CARS2: variants seen among roughly 807,000 people sequenced by gnomAD.
CARS2 encodes the protein cysteinyl-tRNA synthetase 2, mitochondrial, also known as probable cysteine--tRNA ligase, mitochondrial.
In CARS2, 52 loss-of-function variants were observed where a neutral mutation model predicts 68.8. The observed-to-expected ratio is 0.76, with a 90% confidence interval of 0.61 to 0.95. The LOEUF is 0.95. Ranked by LOEUF, CARS2 falls within the 40% of genes least tolerant of loss-of-function variation. The pLI is 0.00. For synonymous variants in CARS2, 314 were observed against 303.6 expected, an observed-to-expected ratio of 1.03 and a Z score of -0.36; for missense variants, 780 against 754.2, an observed-to-expected ratio of 1.03 and a Z score of -0.40.
In CARS2 at chr13:110,694,706, G is replaced by A. The variant is rs1313733741; in HGVS notation, c.394-6688C>T. Among the ~76,000 whole-genome samples the A allele has an allele frequency of 2.0e-5, 3 of 152,112 alleles. No homozygotes were observed. In the East Asian group the frequency reaches 5.8e-4, roughly 29 times the overall value. On this transcript the variant is annotated intron_variant, in intron 3 of 14. Transcript: ENST00000257347. ...CTCTTTTAATTCTTACCCCAGATTT[G>A]TTTAAAACCTGTGCTTTCCATCTCT...
At chr13:110,651,149 G>C in intron 9 of CARS2, 49 bp from the exon 10 acceptor site, 3 of 1,274,900 alleles carry the variant, frequency 2.4e-6, no homozygotes, top group Non-Finnish European at 3.4e-6. Context: ...TTTACGCTTC[G>C]CACTGTTCAG....
intron 9 of CARS2, among the ~76,000 whole-genome samples, chr13:110,658,555 A>T (rs944614808): frequency 2.6e-5 from 4 of 152,222 alleles, no homozygotes; most frequent in Admixed American, 2.6e-4. Flanking sequence ...AAGACACAAC[A>T]TACAAATGCA....
intron 8 of CARS2, among the ~76,000 whole-genome samples, 183 bp downstream of exon 8, chr13:110,667,157 C>T (rs982842872): frequency 1.3e-5 from 2 of 152,214 alleles, no homozygotes; most frequent in Non-Finnish European, 2.9e-5. Context: ...AAGGTATAAT[C>T]ATTGCTGCAA....
intron 2 of CARS2, among the ~76,000 whole-genome samples, chr13:110,702,431 C>G (rs2063814479): frequency 6.6e-6 from 1 of 152,240 alleles, no homozygotes; most frequent in Admixed American, 6.5e-5. Context: ...GGACTGCTGT[C>G]CAGCCTTACC....
chr13:110,695,823 A>G (rs2063607721), intron 3 of CARS2, among the ~76,000 whole-genome samples: 1 of 151,876 alleles, frequency 6.6e-6, no homozygotes, highest in African/African-American at 2.4e-5. Flanking sequence ...ACATGTACAG[A>G]AAGTGCAGGT....
At chr13:110,692,082 A>G (rs1246471396) in intron 3 of CARS2, among the ~76,000 whole-genome samples, 1 of 148,194 alleles carries the variant, frequency 6.7e-6, no homozygotes, top group Non-Finnish European at 1.5e-5. Context: ...ACATACATAT[A>G]TATACACACA....
chr13:110,643,753 TAAGG>T, intron 13 of CARS2: 3 of 149,268 alleles, frequency 2.0e-5, no homozygotes, highest in East Asian at 2.1e-4. Context: ...ACTTTAAGAA[TAAGG>T]CAGGAAACCT....
exon 1 of CARS2, chr13:110,713,470 AC>A: frequency 4.0e-6 from 4 of 988,308 alleles, no homozygotes; most frequent in Non-Finnish European, 4.8e-6. Context: ...CGCCGTCCAC[AC>A]CCCAGCGGCC....
intron 9 of CARS2, among the ~76,000 whole-genome samples, chr13:110,661,482 A>G (rs777339134): frequency 7.2e-5 from 11 of 152,158 alleles, no homozygotes; most frequent in Non-Finnish European, 1.3e-4. Flanking sequence ...TATCCAGACC[A>G]CTCAAACTTT....
At chr13:110,683,383 C>A (rs1481064141) in intron 5 of CARS2, among the ~76,000 whole-genome samples, 1 of 152,150 alleles carries the variant, frequency 6.6e-6, no homozygotes, top group Admixed American at 6.5e-5. Context: ...CTCAACCTTC[C>A]CAGTAGGTGG....
rs2063790426 is a variant in CARS2, at chr13:110,701,638, G to A, written c.276-83C>T. ...TAAAAAATCCATTACATTTTAACAT[G>A]CTGCTCCATAACTTCTACTGTGTAG... On this transcript the variant is annotated intron_variant, in intron 2 of 14. Transcript: ENST00000257347. 9.2e-6 allele frequency: 7 copies of A among 758,566 alleles called. No homozygotes were observed. The Admixed American group carries it at 1.2e-4, about 13-fold the overall frequency. 47.0% of individuals were successfully genotyped at this position (758,566 alleles called of 1,614,324 possible).
chr13:110,707,445 G>C (rs778237779), upstream of CARS2: 1 of 152,130 alleles, frequency 6.6e-6, no homozygotes, highest in Non-Finnish European at 1.5e-5. Flanking sequence ...TCAGGAGTTC[G>C]AGACCAGCCT....
chr13:110,644,459 C>G lies in CARS2; in HGVS notation c.1342G>C (p.Ala448Pro), dbSNP rs770803367. 1 of 1,613,974 alleles carries G rather than the reference C, an allele frequency of 6.2e-7. No homozygotes were observed. The highest frequency in any genetic ancestry group is 8.5e-7 in the Non-Finnish European group (1 of 1,180,036). ...LKEPEGPRSP[A>P]VFGAIISYFE... is the part of the protein sequence containing the mutation. ...TAAGAGATGATGGCACCAAACACAG[C>G]AGGACTTCTCGGCCCTTCAGGTTCC... The change falls in exon 13 of 15, where the codon GCT (alanine) becomes CCT (proline). Residue 448 changes from alanine to proline, a missense_variant. Ala to Pro is a conservative substitution (Grantham distance 27). Transcript: ENST00000257347.
chr13:110,647,209 T>C lies in CARS2; in HGVS notation c.1085A>G (p.Gln362Arg), dbSNP rs1436314669. The C allele has an allele frequency of 6.2e-7, 1 of 1,613,210 alleles. No homozygotes were observed. The highest frequency in any genetic ancestry group is 1.3e-5 in the African/African-American group (1 of 74,952). Residue 362 changes from glutamine (Q) to arginine (R), a missense_variant, in exon 11 of 15, where the codon CAA (glutamine) becomes CGA (arginine). Gln to Arg is a conservative substitution (Grantham distance 43). Coordinates refer to ENST00000257347, the MANE Select transcript of CARS2 (RefSeq NM_024537.4). ...CAGCCCCAGGAGCAGCTGCTGAGCTTGGAGCATGGCGCTGTCACTGTAGTC... is the reference window on the plus strand; with the variant it reads ...CAGCCCCAGGAGCAGCTGCTGAGCTCGGAGCATGGCGCTGTCACTGTAGTC... ...AIDYSDSAML[Q>R]AQQLLLGLGS... is the part of the protein sequence containing the mutation.
chr13:110,686,240 C>T (rs913807294), intron 5 of CARS2, among the ~76,000 whole-genome samples: 10 of 120,722 alleles, frequency 8.3e-5, no homozygotes, highest in South Asian at 2.8e-4. Context: ...CTGCAACTCA[C>T]GCTTTTTTTT....
At chr13:110,680,340 C>T (rs1422952885) in intron 6 of CARS2, among the ~76,000 whole-genome samples, 3 of 152,248 alleles carry the variant, frequency 2.0e-5, no homozygotes, top group Middle Eastern at 3.4e-3. Context: ...TTGCAGTGAA[C>T]CGAGATCATG....
chr13:110,711,831 A>G (rs1368191117), intron 1 of CARS2, among the ~76,000 whole-genome samples: 1 of 152,244 alleles, frequency 6.6e-6, no homozygotes, highest in Non-Finnish European at 1.5e-5. Context: ...TCACATCCAT[A>G]GCACAAAATA....
At chr13:110,666,567 G>A (rs2062654725) in intron 8 of CARS2, 3 of 985,290 alleles carry the variant, frequency 3.0e-6, no homozygotes, top group Non-Finnish European at 3.6e-6. Context: ...GTACTTTCAC[G>A]AAGAAACCCA....
In CARS2 at chr13:110,670,780, T is replaced by C. The variant is rs1244691550; in HGVS notation, c.786-3307A>G. ...CAAACTTCTCCGAGCTAAAGGAGGA[T>C]GTTTGAACCCATCATAAAGAAGCTA... On this transcript the variant is annotated intron_variant, in intron 7 of 14. Transcript: ENST00000257347. The surrounding 1 kb of genome is among the most constrained non-coding windows in gnomAD (Gnocchi z 4.1). Among the ~76,000 whole-genome samples the C allele has an allele frequency of 1.3e-5, 2 of 152,174 alleles. No individual in the cohort carries two copies. The highest frequency in any genetic ancestry group is 2.9e-5 in the Non-Finnish European group (2 of 68,030).
Sources: gnomAD v4.1 joint callset for allele counts (sites outside exome capture counted in the v4.1 genomes callset) on GRCh38, gnomAD v4.1.1 for gene constraint, Gnocchi (gnomAD v3.1) non-coding constraint, MANE v1.5 for transcripts, NCBI Gene and HGNC (gene_info 2026-07-23, HGNC 2026-07-21) for gene names.